The following GRID1 variants were observed in gnomAD, a reference collection of about 807,000 sequenced individuals.
GRID1 encodes the protein glutamate ionotropic receptor delta type subunit 1.
Under a neutral mutation model 98.0 loss-of-function variants are expected in GRID1, and 28 were observed. The observed-to-expected ratio is 0.29, with a 90% CI of 0.21 to 0.39. The LOEUF (loss-of-function observed/expected upper bound fraction) is 0.39. Ranked by LOEUF, GRID1 falls within the 10% of genes least tolerant of loss-of-function variation. GRID1 has a pLI of 1.00. For synonymous variants in GRID1, 553 were observed against 538.5 expected, an observed-to-expected ratio of 1.03 and a Z score of -0.37; for missense variants, 1,111 against 1,340.5, an observed-to-expected ratio of 0.83 and a Z score of 2.67.
At chr10:85,701,431 T>C (rs1033768569) in intron 12 of GRID1, among the ~76,000 whole-genome samples, 5 of 152,064 alleles carry the variant, frequency 3.3e-5, no homozygotes, top group African/African-American at 1.2e-4. Flanking sequence ...TTACTGTTGT[T>C]GAGGCTGTAT....
At chr10:85,735,107 A>G (rs898183199) in intron 8 of GRID1, among the ~76,000 whole-genome samples, 2 of 152,174 alleles carry the variant, frequency 1.3e-5, no homozygotes, top group Non-Finnish European at 2.9e-5. Flanking sequence ...AGACCATTTC[A>G]TTTGTACATG....
chr10:85,857,577 G>A (rs1364302110), intron 6 of GRID1, among the ~76,000 whole-genome samples: 2 of 152,282 alleles, frequency 1.3e-5, no homozygotes, highest in Non-Finnish European at 1.5e-5. Flanking sequence ...TGAGGGCGAG[G>A]TAGCGTCCAC....
At chr10:85,704,310 G>A (rs1415568148) in intron 12 of GRID1, among the ~76,000 whole-genome samples, 1 of 152,074 alleles carries the variant, frequency 6.6e-6, no homozygotes, top group Non-Finnish European at 1.5e-5. Context: ...AAGGGCAGGG[G>A]TTGCAATCCT....
chr10:85,964,629 C>T (rs1475384603), intron 4 of GRID1, among the ~76,000 whole-genome samples: 1 of 152,124 alleles, frequency 6.6e-6, no homozygotes, highest in African/African-American at 2.4e-5. Context: ...ACACCTTTTA[C>T]AAAAATTAAC....
intron 8 of GRID1, among the ~76,000 whole-genome samples, chr10:85,851,055 T>C (rs1843053823): frequency 6.6e-6 from 1 of 152,168 alleles, no homozygotes. Context: ...AATCATGAGC[T>C]AAGGACATTT....
At chr10:85,641,144 G>A (rs1843111563) in intron 13 of GRID1, among the ~76,000 whole-genome samples, 1 of 152,214 alleles carries the variant, frequency 6.6e-6, no homozygotes, top group African/African-American at 2.4e-5. Flanking sequence ...ATCCAGGTCA[G>A]CCCTGGCACT....
At chr10:86,132,611 G>C (rs544531022) in intron 4 of GRID1, among the ~76,000 whole-genome samples, 1 of 152,346 alleles carries the variant, frequency 6.6e-6, no homozygotes, top group South Asian at 2.1e-4. Context: ...CTAGCTCTGA[G>C]TGATAAAGTC....
At position 86,366,233 on chromosome 10, in the gene GRID1, A is replaced by C; in HGVS notation, c.79+81T>G. On this transcript the variant is annotated intron_variant, in intron 1 of 15. Coordinates refer to ENST00000327946, the MANE Select transcript of GRID1 (RefSeq NM_017551.3). This position sits in a 1 kb window ranked among gnomAD's most constrained non-coding sequence, Gnocchi z 4.1. ...CCCGCCGAGCCCCTCGGCCCAGGGA[A>C]ACGCCAAGTTTGGACGCCGCGCACC... is the stretch of plus-strand genomic sequence containing the variant. The C allele has an allele frequency of 1.0e-6, 1 of 998,634 alleles. No homozygotes were observed. The highest frequency in any genetic ancestry group is 1.4e-6 in the Non-Finnish European group (1 of 712,174). The allele number at this position is 998,634 out of a possible 1,614,324, so 61.9% of individuals were successfully genotyped here.
chr10:85,732,492 C>A (rs552364377), intron 8 of GRID1, among the ~76,000 whole-genome samples: 1 of 152,258 alleles, frequency 6.6e-6, no homozygotes, highest in African/African-American at 2.4e-5. Flanking sequence ...TGTCTTTCTA[C>A]TGGGATTATA....
At chr10:86,064,904 C>T (rs1040973612) in intron 4 of GRID1, among the ~76,000 whole-genome samples, 1 of 152,214 alleles carries the variant, frequency 6.6e-6, no homozygotes, top group Non-Finnish European at 1.5e-5. Flanking sequence ...AAATGCATTT[C>T]CTCAGACCCA....
intron 2 of GRID1, among the ~76,000 whole-genome samples, chr10:86,233,899 T>G (rs879935746): frequency 8.5e-6 from 1 of 117,894 alleles, no homozygotes; most frequent in Non-Finnish European, 1.6e-5. Flanking sequence ...ATTTGACCAA[T>G]GGGAGACACA....
chr10:85,958,145 T>G (rs1842219117), intron 4 of GRID1, among the ~76,000 whole-genome samples: 1 of 152,260 alleles, frequency 6.6e-6, no homozygotes. Flanking sequence ...GGGCCTCTCC[T>G]GGACCCCACA....
intron 8 of GRID1, among the ~76,000 whole-genome samples, chr10:85,852,775 C>T (rs1243614612): frequency 6.6e-6 from 1 of 152,062 alleles, no homozygotes; most frequent in African/African-American, 2.4e-5. Flanking sequence ...ATGCCCATCC[C>T]CTCACCAAGT....
intron 2 of GRID1, among the ~76,000 whole-genome samples, chr10:86,246,490 A>C (rs1200775069): frequency 6.6e-6 from 1 of 152,094 alleles, no homozygotes; most frequent in Non-Finnish European, 1.5e-5. Flanking sequence ...ACCCGGCCGC[A>C]CCTGGGCCAG....
intron 5 of GRID1, among the ~76,000 whole-genome samples, chr10:85,905,244 G>C (rs1234340276): frequency 6.6e-6 from 1 of 151,932 alleles, no homozygotes; most frequent in African/African-American, 2.4e-5. Flanking sequence ...AGTACTGAAA[G>C]GAAATACTGT....
intron 4 of GRID1, among the ~76,000 whole-genome samples, chr10:85,970,307 A>G (rs1191991129): frequency 6.6e-6 from 1 of 152,104 alleles, no homozygotes; most frequent in Admixed American, 6.5e-5. Flanking sequence ...AACACTTCCA[A>G]ACTCATTCTA....
chr10:85,898,530 T>C (rs1841329293), intron 5 of GRID1, among the ~76,000 whole-genome samples: 1 of 152,234 alleles, frequency 6.6e-6, no homozygotes, highest in Admixed American at 6.5e-5. Context: ...ACAAACACAA[T>C]GTATAGCTAT....
rs116626030 is a variant in GRID1, at chr10:85,823,042, T to G, written c.1233+31454A>C. On this transcript the variant is annotated intron_variant, in intron 8 of 15. Coordinates refer to ENST00000327946, the MANE Select transcript of GRID1 (RefSeq NM_017551.3). The stretch of plus-strand genomic sequence containing the variant: ...ATCACACACCAGGGCCTGTCATGAG[T>G]TGCGGGGAGGGGGTAGGGATAGCAT... Among the ~76,000 whole-genome samples, 867 of 152,118 alleles carry G rather than the reference T, an allele frequency of 5.7e-3. 7 individuals are homozygous for G. Among genetic ancestry groups the G allele is most frequent in the African/African-American group, 0.02 (815 of 41,508 alleles).
intron 5 of GRID1, among the ~76,000 whole-genome samples, chr10:85,870,936 G>T (rs200063615): frequency 1.3e-3 from 196 of 151,932 alleles, no homozygotes; most frequent in African/African-American, 4.6e-3. Flanking sequence ...TTACATTTTT[G>T]AAAATCTCTG....
Sources: gnomAD v4.1 joint callset for allele counts (sites outside exome capture counted in the v4.1 genomes callset) on GRCh38, gnomAD v4.1.1 for gene constraint, Gnocchi (gnomAD v3.1) non-coding constraint, MANE v1.5 for transcripts, NCBI Gene and HGNC (gene_info 2026-07-23, HGNC 2026-07-21) for gene names.